ARL13B: variants seen among roughly 807,000 people sequenced by gnomAD.
ARL13B encodes ARF like GTPase 13B.
Under a neutral mutation model 56.1 loss-of-function variants are expected in ARL13B, and 36 were observed. That is an observed-to-expected ratio of 0.64 (90% confidence interval 0.49 to 0.85). The LOEUF (loss-of-function observed/expected upper bound fraction) is 0.85. Among genes scored for constraint, ARL13B ranks in the 40% least tolerant of loss-of-function variants. The pLI, the probability that ARL13B is intolerant of heterozygous loss-of-function variation, is 0.00. For missense variants in ARL13B, 519 were observed against 507.1 expected (o/e 1.02, Z -0.23); for synonymous variants, 178 against 171.1 (o/e 1.04, Z -0.32).
intron 3 of ARL13B, among the ~76,000 whole-genome samples, chr3:94,020,727 G>A (rs1320748499): frequency 6.6e-6 from 1 of 152,092 alleles, no homozygotes; most frequent in Non-Finnish European, 1.5e-5. Context: ...AAGTACCGGT[G>A]GGAAACATTT....
chr3:93,996,094 C>T (rs749435675), intron 2 of ARL13B, 150 bp downstream of exon 2: 11 of 811,326 alleles, frequency 1.4e-5, no homozygotes, highest in Middle Eastern at 3.6e-4. Context: ...ACTCTTGTGG[C>T]GAATAGGCTC....
intron 3 of ARL13B, chr3:94,014,880 T>C (rs373067241): frequency 1.9e-6 from 3 of 1,614,006 alleles, no homozygotes. Flanking sequence ...TAAGTATCCT[T>C]GTGACCACTG....
intron 1 of ARL13B, chr3:93,988,699 T>C: frequency 2.2e-6 from 1 of 462,044 alleles, no homozygotes; most frequent in Non-Finnish European, 4.3e-6. Context: ...TTTAGTTTCT[T>C]CGTTTTCTGC....
intron 5 of ARL13B, among the ~76,000 whole-genome samples, chr3:94,039,273 G>GGCAGAAAA (rs1023101708): frequency 6.6e-6 from 1 of 152,106 alleles, no homozygotes; most frequent in Non-Finnish European, 1.5e-5. Flanking sequence ...GGCAGAGGCA[G>GGCAGAAAA]GCAGATCACA....
intron 6 of ARL13B, among the ~76,000 whole-genome samples, chr3:94,042,103 C>T (rs2076873558): frequency 6.6e-6 from 1 of 151,874 alleles, no homozygotes; most frequent in Non-Finnish European, 1.5e-5. Context: ...TTTTTGCTGG[C>T]AATAAAAATT....
At chr3:94,028,122 A>T (rs1006530787) in intron 3 of ARL13B, among the ~76,000 whole-genome samples, 39 of 152,168 alleles carry the variant, frequency 2.6e-4, no homozygotes, top group Admixed American at 3.3e-4. Flanking sequence ...AGACTTAAAA[A>T]TTTTTTCTTT....
At chr3:94,015,488 T>G (rs904131098) in intron 3 of ARL13B, among the ~76,000 whole-genome samples, 4 of 152,218 alleles carry the variant, frequency 2.6e-5, no homozygotes, top group African/African-American at 9.6e-5. Flanking sequence ...TAAGTTACTT[T>G]GCATGTGAGT....
intron 3 of ARL13B, among the ~76,000 whole-genome samples, chr3:94,010,211 G>A (rs934500820): frequency 6.6e-6 from 1 of 151,886 alleles, no homozygotes; most frequent in African/African-American, 2.4e-5. Flanking sequence ...TTGTAAATAG[G>A]GATTATAATA....
At chr3:94,014,776 A>T in intron 3 of ARL13B, 1 of 1,613,778 alleles carries the variant, frequency 6.2e-7, no homozygotes, top group Non-Finnish European at 8.5e-7. Context: ...ACGTAAAATA[A>T]ATGTCTTGCA....
intron 3 of ARL13B, among the ~76,000 whole-genome samples, chr3:94,012,778 C>G (rs1315179454): frequency 6.6e-6 from 1 of 152,162 alleles, no homozygotes; most frequent in Non-Finnish European, 1.5e-5. Context: ...AAGCCACCAT[C>G]ATTTCTTCCT....
chr3:94,041,753 A>T (rs2076865943), intron 6 of ARL13B, among the ~76,000 whole-genome samples: 1 of 152,156 alleles, frequency 6.6e-6, no homozygotes, highest in Admixed American at 6.5e-5. Flanking sequence ...TGGGTTACCA[A>T]AGGCAGTTTC....
chr3:94,011,577 T>C (rs945763914), intron 3 of ARL13B, among the ~76,000 whole-genome samples: 4 of 152,266 alleles, frequency 2.6e-5, no homozygotes, highest in African/African-American at 7.2e-5. Flanking sequence ...CTGCCTTTTC[T>C]TCTATAGTAT....
intron 3 of ARL13B, among the ~76,000 whole-genome samples, chr3:94,013,008 A>T (rs938665348): frequency 5.3e-5 from 8 of 152,144 alleles, no homozygotes; most frequent in African/African-American, 1.9e-4. Context: ...AAAACCTTAC[A>T]TCTAGCCCTT....
intron 7 of ARL13B, among the ~76,000 whole-genome samples, chr3:94,047,382 T>C (rs1302339755): frequency 6.6e-6 from 1 of 152,188 alleles, no homozygotes; most frequent in East Asian, 1.9e-4. Flanking sequence ...CCTATTACAG[T>C]GGTCGCTAAG....
chr3:94,049,588 GA>G (rs1238848167), intron 8 of ARL13B, 66 bp downstream of exon 8: 3 of 772,372 alleles, frequency 3.9e-6, no homozygotes, highest in Non-Finnish European at 5.4e-6. Flanking sequence ...AAAAAAAAAA[GA>G]AAAAAGGAAT....
At chr3:93,982,579 T>G (rs1168174693) in intron 1 of ARL13B, among the ~76,000 whole-genome samples, 1 of 152,232 alleles carries the variant, frequency 6.6e-6, no homozygotes, top group Non-Finnish European at 1.5e-5. Flanking sequence ...TTTTTACTTT[T>G]TAAAAAATGA....
At position 93,995,941 on chromosome 3, in the gene ARL13B, G is replaced by C. The variant is rs767808094; in HGVS notation, c.127G>C (p.Gly43Arg). The C allele has an allele frequency of 4.3e-6, 7 of 1,612,782 alleles. No individual in the cohort carries two copies. In the South Asian group the frequency reaches 7.7e-5, roughly 18 times the overall value. The change falls in exon 2 of 10, where the codon GGA becomes CGA. Residue 43 changes from glycine (G) to arginine (R), a missense_variant. Gly to Arg is a moderately radical substitution (Grantham distance 125). Coordinates refer to ENST00000394222, the MANE Select transcript of ARL13B (RefSeq NM_001174150.2). ...AACCGCAACAGCAAAGGGAATCCAA[G>C]GAGGTAAGCTGAAAACATTTATGTG... ...GKTATAKGIQ[G>R]EYPEDVAPTV...
chr3:94,049,576 GAAAAAAAA>G, intron 8 of ARL13B, 54 bp downstream of exon 8: 1 of 800,088 alleles, frequency 1.2e-6, no homozygotes, highest in Non-Finnish European at 1.8e-6. Flanking sequence ...AAACAACAGA[GAAAAAAAA>G]AAAGAAAAAA....
intron 3 of ARL13B, among the ~76,000 whole-genome samples, chr3:94,005,792 G>T (rs2076123909): frequency 6.6e-6 from 1 of 152,050 alleles, no homozygotes; most frequent in African/African-American, 2.4e-5. Context: ...TATACAAAAT[G>T]TACACAAAAG....
Sources: gnomAD v4.1 joint callset for allele counts (sites outside exome capture counted in the v4.1 genomes callset) on GRCh38, gnomAD v4.1.1 for gene constraint, MANE v1.5 for transcripts, NCBI Gene and HGNC (gene_info 2026-07-23, HGNC 2026-07-21) for gene names.